Variants in PLOD3 observed in about 807,000 individuals in gnomAD.
PLOD3 encodes multifunctional procollagen lysine hydroxylase and glycosyltransferase LH3.
Under a neutral mutation model 96.9 loss-of-function variants are expected in PLOD3, and 73 were observed. The ratio of observed to expected loss-of-function variants is 0.75; its 90% CI spans 0.62 to 0.92. The LOEUF is 0.92. PLOD3 is among the 40% of genes least tolerant of loss of function. PLOD3 has a pLI of 0.00. For missense variants in PLOD3, 1,004 were observed against 1,004.3 expected (o/e 1.00, Z 0.00); for synonymous variants, 454 against 413.7 (o/e 1.10, Z -1.18).
intron 15 of PLOD3, 79 bp from the exon 16 acceptor site, chr7:101,209,036 A>G (rs1321668116): frequency 9.9e-7 from 1 of 1,012,632 alleles, no homozygotes; most frequent in African/African-American, 1.6e-5. Flanking sequence ...CAGAATGGGA[A>G]GGGGCAGGGA....
Position 101,206,764 on chromosome 7 carries a change from G to A in PLOD3, c.2061+15C>T. ...CTGAGGTGAAGCGTGGGTGGGTAGT[G>A]TGACTGGGGCGCACCTCATAGTCCA... On this transcript the variant is annotated intron_variant, in intron 18 of 18. Coordinates refer to ENST00000223127, the MANE Select transcript of PLOD3 (RefSeq NM_001084.5). 1.3e-6 allele frequency: 2 copies of A among 1,578,682 alleles called. No individual in the cohort carries two copies. The highest frequency in any genetic ancestry group is 1.2e-5 in the South Asian group (1 of 86,014).
intron 5 of PLOD3, 124 bp from the exon 6 acceptor site, chr7:101,215,276 C>T (rs77196583): frequency 0.01 from 8,061 of 785,392 alleles, 168 homozygotes; most frequent in East Asian, 0.079. Flanking sequence ...TGCAATGGCA[C>T]GATCTCAGCT....
At chr7:101,207,784 G>A in intron 16 of PLOD3, 60 bp from the exon 17 acceptor site, 1 of 1,595,696 alleles carries the variant, frequency 6.3e-7, no homozygotes, top group Non-Finnish European at 8.6e-7. Flanking sequence ...CCACCCCAGG[G>A]CAGTCCAGCC....
chr7:101,217,058 G>A, intron 1 of PLOD3, 108 bp downstream of exon 1: 1 of 1,212,000 alleles, frequency 8.3e-7, no homozygotes. Context: ...CACGCTGGGC[G>A]GGGGACGGGC....
rs1972169 is a variant in PLOD3, at chr7:101,211,042, G to A, written c.1359-369C>T. On this transcript the variant is annotated intron_variant, in intron 12 of 18. Coordinates refer to ENST00000223127, the MANE Select transcript of PLOD3 (RefSeq NM_001084.5). Reference sequence around the variant, plus strand: ...ATTAGAGGTGCCAGCCACCATGCCCGGCTGATTTTTGTATTTTTGGTAGAG... The same window carrying A: ...ATTAGAGGTGCCAGCCACCATGCCCAGCTGATTTTTGTATTTTTGGTAGAG... The A allele has an allele frequency of 3.6e-4, 99 of 273,026 alleles. 1 individual carries two copies. Among genetic ancestry groups the A allele is most frequent in the African/African-American group, 2.0e-3 (89 of 45,254 alleles). The allele number at this position is 273,026 out of a possible 1,614,324, so 16.9% of individuals were successfully genotyped here.
rs534231438 is a variant in PLOD3 at position 101,211,733 on chromosome 7, G to A, written c.1233-17C>T. ...ATCACCTTCCTGCGGACAGGTGGGG[G>A]TGAGGGCTGGGCAGACGGGAGCAGG... On this transcript the variant is annotated splice_polypyrimidine_tract_variant and intron_variant, in intron 11 of 18. Coordinates refer to ENST00000223127, the MANE Select transcript of PLOD3 (RefSeq NM_001084.5). 6.2e-7 allele frequency: 1 copy of A among 1,600,530 alleles called. No homozygotes were observed. The highest frequency in any genetic ancestry group is 1.1e-5 in the South Asian group (1 of 89,134).
chr7:101,216,937 G>T, intron 1 of PLOD3, 151 bp from the exon 2 acceptor site: 1 of 759,612 alleles, frequency 1.3e-6, no homozygotes, highest in Non-Finnish European at 2.2e-6. Context: ...CCCAAGGAGG[G>T]CAGGGTGGGA....
At position 101,212,832 on chromosome 7, in the gene PLOD3, C is replaced by T. The variant is rs762948036; in HGVS notation, c.879+10G>A. On this transcript the variant is annotated intron_variant, in intron 8 of 18. Transcript: ENST00000223127. Reference sequence around the variant, plus strand: ...CCCTCTCGTGCCCCTCCCTGGCACCCCCACCTCACCTGCCCCCCCGGGAGT... The same window carrying T: ...CCCTCTCGTGCCCCTCCCTGGCACCTCCACCTCACCTGCCCCCCCGGGAGT... 1.2e-6 allele frequency: 2 copies of T among 1,604,684 alleles called. No individual in the cohort carries two copies. Among genetic ancestry groups the T allele is most frequent in the Non-Finnish European group, 1.7e-6 (2 of 1,172,328 alleles).
intron 6 of PLOD3, 63 bp downstream of exon 6, chr7:101,215,026 C>T: frequency 1.6e-6 from 2 of 1,258,870 alleles, no homozygotes; most frequent in Non-Finnish European, 2.3e-6. Flanking sequence ...AAGCCTCTCC[C>T]AGCTCAAGAC....
In PLOD3 at chr7:101,211,734, T is replaced by C. The variant is rs1020485340; in HGVS notation, c.1233-18A>G. ...TCACCTTCCTGCGGACAGGTGGGGG[T>C]GAGGGCTGGGCAGACGGGAGCAGGC... is the stretch of plus-strand genomic sequence containing the variant. On this transcript the variant is annotated intron_variant, in intron 11 of 18. Transcript: ENST00000223127. The C allele has an allele frequency of 6.3e-7, 1 of 1,591,526 alleles. No individual in the cohort carries two copies. The highest frequency in any genetic ancestry group is 1.4e-5 in the African/African-American group (1 of 73,352).
At chr7:101,209,077 G>C in intron 15 of PLOD3, 120 bp from the exon 16 acceptor site, 2 of 762,646 alleles carry the variant, frequency 2.6e-6, no homozygotes, top group South Asian at 2.9e-5. Flanking sequence ...AGAGCAGCCG[G>C]GGACCCGCCA....
At chr7:101,211,237 T>G (rs1023196972) in intron 12 of PLOD3, 2 of 251,048 alleles carry the variant, frequency 8.0e-6, no homozygotes, top group African/African-American at 4.5e-5. Context: ...TGGAGTGCAG[T>G]GGTGGAAACA....
rs763073092 is a variant in PLOD3, at chr7:101,212,362, C to G, written c.1018G>C (p.Glu340Gln). The change falls in exon 10 of 19, where the codon GAA becomes CAA. Residue 340 changes from glutamate to glutamine, a missense_variant. Coordinates refer to ENST00000223127, the MANE Select transcript of PLOD3 (RefSeq NM_001084.5). ...LFLHNNEVFHEPHIADSWPQL... is the reference protein window; with the variant it reads ...LFLHNNEVFHQPHIADSWPQL... Reference sequence around the variant, plus strand: ...GGCCAGGAGTCAGCGATGTGGGGTTCATGGAAGACCTCCTGGGAGGGGAAG... The same window carrying G: ...GGCCAGGAGTCAGCGATGTGGGGTTGATGGAAGACCTCCTGGGAGGGGAAG... The G allele has an allele frequency of 2.5e-5, 40 of 1,613,478 alleles. No homozygotes were observed. The Admixed American group carries it at 5.3e-4, about 22-fold the overall frequency.
At chr7:101,207,455 C>T (rs1798106718) in intron 17 of PLOD3, 123 bp downstream of exon 17, 1 of 1,055,296 alleles carries the variant, frequency 9.5e-7, no homozygotes, top group Non-Finnish European at 1.4e-6. Context: ...CGTCTCATTC[C>T]CCTGGGAACT....
chr7:101,208,245 T>C (rs2116796335), intron 16 of PLOD3, among the ~76,000 whole-genome samples: 1 of 152,228 alleles, frequency 6.6e-6, no homozygotes, highest in African/African-American at 2.4e-5. Context: ...CATGCCACCA[T>C]GCCCGGCTAA....
chr7:101,213,204 T>A lies in PLOD3; in HGVS notation c.680A>T (p.Asp227Val). The A allele has an allele frequency of 6.2e-7, 1 of 1,608,362 alleles. No homozygotes were observed. Among genetic ancestry groups the A allele is most frequent in the Non-Finnish European group, 8.5e-7 (1 of 1,174,916 alleles). The change falls in exon 7 of 19, where the codon GAT (aspartate) becomes GTT (valine). Residue 227 changes from aspartate to valine, a missense_variant and splice_region_variant. Asp to Val is a radical substitution (Grantham distance 152, BLOSUM62 -3). Around this residue, in one of 5 missense-constraint regions of PLOD3, gnomAD observed 690 missense variants for 650.2 expected, o/e 1.06. Transcript: ENST00000223127. ...CCGATCAAACTTTAAAACCACTTCA[T>A]CTGGGGAAGAAAAAGGCCAGGCTTC... ...RIFQNLNGALDEVVLKFDRNR... is the reference protein window; with the variant it reads ...RIFQNLNGALVEVVLKFDRNR...
chr7:101,208,504 G>C lies in PLOD3; in HGVS notation c.1788+349C>G, dbSNP rs897533079. On this transcript the variant is annotated intron_variant, in intron 16 of 18. Transcript: ENST00000223127. ...GATCCACCTGCCTCGGCCTCCCAAA[G>C]TGCTGGGATTACAGGCGTGAGCCAC... 1.1e-5 allele frequency: 4 copies of C among 353,192 alleles called. No individual in the cohort carries two copies. The Middle Eastern group carries it at 3.1e-3, about 272-fold the overall frequency. The allele number at this position is 353,192 out of a possible 1,614,324, so 21.9% of individuals were successfully genotyped here. A position where few individuals can be genotyped will look rare whatever the true frequency, so the allele number is the denominator to read the frequency against.
Position 101,217,199 on chromosome 7 carries a change from C to A in PLOD3, c.76G>T (p.Asp26Tyr), listed in dbSNP as rs941515853. The change falls in exon 1 of 19, where the codon GAC becomes TAC. Residue 26 changes from aspartate to tyrosine, a missense_variant. Around this residue, in one of 5 missense-constraint regions of PLOD3, gnomAD observed 690 missense variants for 650.2 expected, o/e 1.06. Transcript: ENST00000223127. ...LLLPPAASAS[D>Y]RPRGRDPVNP... ...ACCGGGTCTCGGCCCCGGGGCCGGT[C>A]GGAGGCTGAGGCCGCAGGGGGCAGC... is the stretch of plus-strand genomic sequence containing the variant. 1.3e-6 allele frequency: 2 copies of A among 1,497,558 alleles called. No individual in the cohort carries two copies. Among genetic ancestry groups the A allele is most frequent in the South Asian group, 2.6e-5 (2 of 78,136 alleles). 92.8% of individuals were successfully genotyped at this position (1,497,558 alleles called of 1,614,324 possible).
Position 101,216,775 on chromosome 7 carries a change from C to G in PLOD3, c.121G>C (p.Val41Leu). Residue 41 changes from valine (V) to leucine (L), a missense_variant, in exon 2 of 19, where the codon GTG (valine) becomes CTG (leucine). By Grantham distance (32) the Val-to-Leu change is conservative (BLOSUM62 1). Coordinates refer to ENST00000223127, the MANE Select transcript of PLOD3 (RefSeq NM_001084.5). ...RDPVNPEKLL[V>L]ITVATAETEG... ...GTTTCAGCTGTGGCCACAGTGATCA[C>G]CAGCAGCTTCTCTGTTACCAGAGGG... is the stretch of plus-strand genomic sequence containing the variant. 1 of 1,612,634 alleles carries G rather than the reference C, an allele frequency of 6.2e-7. No homozygotes were observed. Among genetic ancestry groups the G allele is most frequent in the African/African-American group, 1.3e-5 (1 of 74,998 alleles).
Sources: gnomAD v4.1 joint callset for allele counts (sites outside exome capture counted in the v4.1 genomes callset) on GRCh38, gnomAD v4.1.1 for gene constraint, gnomAD v4.1.1 regional missense constraint, MANE v1.5 for transcripts, NCBI Gene and HGNC (gene_info 2026-07-23, HGNC 2026-07-21) for gene names.